ASTN2: variants seen among roughly 807,000 people sequenced by gnomAD.
The protein encoded by ASTN2 is astrotactin-2.
A neutral mutation model predicts 139.8 loss-of-function variants in ASTN2; 54 were observed. The ratio of observed to expected loss-of-function variants is 0.39; its 90% CI spans 0.31 to 0.48. The LOEUF (loss-of-function observed/expected upper bound fraction) is 0.48, where lower values mean the gene tolerates loss of function less well. Ranked by LOEUF, ASTN2 falls within the 20% of genes least tolerant of loss-of-function variation. The pLI is 0.95. For missense variants in ASTN2, 1,565 were observed against 1,725.1 expected (o/e 0.91, Z 1.64); for synonymous variants, 756 against 719.5 (o/e 1.05, Z -0.81).
chr9:117,297,738 T>A (rs915896625), intron 1 of ASTN2, among the ~76,000 whole-genome samples: 1 of 152,224 alleles, frequency 6.6e-6, no homozygotes, highest in African/African-American at 2.4e-5. Context: ...AGGAAAGGGC[T>A]ACCATATAGC....
intron 14 of ASTN2, among the ~76,000 whole-genome samples, chr9:116,731,233 T>C (rs1423201181): frequency 1.3e-5 from 2 of 149,932 alleles, no homozygotes; most frequent in Non-Finnish European, 3.0e-5. Flanking sequence ...ATAAATCTTT[T>C]GAAATGCAAC....
At chr9:116,428,619 C>A (rs1483449239) in intron 22 of ASTN2, among the ~76,000 whole-genome samples, 1 of 152,028 alleles carries the variant, frequency 6.6e-6, no homozygotes, top group African/African-American at 2.4e-5. Context: ...AGTGGGGACA[C>A]AGTGAAAACT....
At chr9:116,969,199 G>A (rs1836110935) in intron 10 of ASTN2, among the ~76,000 whole-genome samples, 1 of 152,176 alleles carries the variant, frequency 6.6e-6, no homozygotes, top group South Asian at 2.1e-4. Context: ...AGGCCAAAGA[G>A]AGGCACCATA....
At chr9:116,473,858 C>T (rs1848896308) in intron 20 of ASTN2, among the ~76,000 whole-genome samples, 1 of 151,490 alleles carries the variant, frequency 6.6e-6, no homozygotes, top group Non-Finnish European at 1.5e-5. Context: ...GCTGAGATCG[C>T]ACCACTGCAC....
rs35759848 is a variant in ASTN2 at position 117,005,080 on chromosome 9, A to ATTTTTTTTTTTTTTT, written c.1591+2997_1591+3011dup. Among the ~76,000 whole-genome samples the ATTTTTTTTTTTTTTT allele has an allele frequency of 6.7e-5, 5 of 74,666 alleles. 1 individual carries two copies. Among genetic ancestry groups the ATTTTTTTTTTTTTTT allele is most frequent in the Admixed American group, 2.1e-4 (1 of 4,724 alleles). 49.0% of individuals were successfully genotyped at this position (74,666 alleles called of 152,430 possible). A position where few individuals can be genotyped will look rare whatever the true frequency, so the allele number is the denominator to read the frequency against. The stretch of plus-strand genomic sequence containing the variant: ...AATTTGAGTTGTGGACCTGTAGTCG[A>ATTTTTTTTTTTTTTT]TTTTTTTTTTTTTTTTTTTTTTTTG... On this transcript the variant is annotated intron_variant, in intron 7 of 22. Transcript: ENST00000313400.
chr9:116,580,023 T>C (rs1384212109), intron 19 of ASTN2, among the ~76,000 whole-genome samples: 2 of 152,168 alleles, frequency 1.3e-5, no homozygotes, highest in Non-Finnish European at 2.9e-5. Context: ...GATTTCACCA[T>C]GTTGATCAGG....
At position 116,845,964 on chromosome 9, in the gene ASTN2, G is replaced by C. The variant is rs549265640; in HGVS notation, c.2040+17619C>G. ...TCATTCATAATAGCCTAAAAGGTAG[G>C]AACAACCAATGTTCATTGACAGATA... On this transcript the variant is annotated intron_variant, in intron 11 of 22. Transcript: ENST00000313400. 5.9e-5 allele frequency among the ~76,000 whole-genome samples: 9 copies of C among 152,212 alleles called. No individual in the cohort carries two copies. The South Asian group carries it at 1.7e-3, about 28-fold the overall frequency.
intron 19 of ASTN2, among the ~76,000 whole-genome samples, chr9:116,522,259 C>G (rs1444495494): frequency 6.6e-6 from 1 of 152,050 alleles, no homozygotes; most frequent in East Asian, 1.9e-4. Flanking sequence ...AATATGGAAC[C>G]AGCCCAAATA....
chr9:116,807,544 T>G (rs761815642), intron 12 of ASTN2, among the ~76,000 whole-genome samples: 1 of 152,244 alleles, frequency 6.6e-6, no homozygotes, highest in Non-Finnish European at 1.5e-5. Flanking sequence ...CTTGGTAAAG[T>G]ATATCCCCTT....
intron 1 of ASTN2, among the ~76,000 whole-genome samples, chr9:117,377,436 G>C (rs993918810): frequency 2.6e-5 from 4 of 152,198 alleles, no homozygotes; most frequent in African/African-American, 9.7e-5. Context: ...AGGGTGGTTT[G>C]ACTGGTGATG....
chr9:116,813,046 C>T (rs1831210348), intron 12 of ASTN2, among the ~76,000 whole-genome samples: 2 of 151,986 alleles, frequency 1.3e-5, no homozygotes, highest in African/African-American at 2.4e-5. Flanking sequence ...TGTACTATGA[C>T]ACATAATTAT....
chr9:117,307,885 G>T (rs892986693), intron 1 of ASTN2, among the ~76,000 whole-genome samples: 1 of 152,180 alleles, frequency 6.6e-6, no homozygotes, highest in South Asian at 2.1e-4. Flanking sequence ...ATCCTCTCCT[G>T]CGGTCTCCTG....
At chr9:116,736,050 A>G (rs1828917641) in intron 13 of ASTN2, among the ~76,000 whole-genome samples, 1 of 152,226 alleles carries the variant, frequency 6.6e-6, no homozygotes, top group Non-Finnish European at 1.5e-5. Context: ...TGAAAAGCTG[A>G]AGCACAAAGA....
chr9:116,887,188 A>G (rs1718920724), intron 10 of ASTN2, among the ~76,000 whole-genome samples: 1 of 152,158 alleles, frequency 6.6e-6, no homozygotes, highest in Admixed American at 6.5e-5. Context: ...ATAAACTTAC[A>G]TGGCAAATTC....
At chr9:116,664,797 C>T (rs1858766067) in intron 16 of ASTN2, among the ~76,000 whole-genome samples, 1 of 152,092 alleles carries the variant, frequency 6.6e-6, no homozygotes, top group African/African-American at 2.4e-5. Flanking sequence ...ATATTCCAAA[C>T]ACAAAATGAT....
intron 19 of ASTN2, among the ~76,000 whole-genome samples, chr9:116,615,784 T>C (rs1368255299): frequency 6.6e-6 from 1 of 151,256 alleles, no homozygotes; most frequent in African/African-American, 2.4e-5. Context: ...AAATGATGAG[T>C]TAATGGGTAC....
At chr9:117,155,242 C>A (rs1830407418) in intron 3 of ASTN2, among the ~76,000 whole-genome samples, 1 of 152,046 alleles carries the variant, frequency 6.6e-6, no homozygotes, top group Admixed American at 6.6e-5. Context: ...TTATAGATAA[C>A]TCCTTTCTTC....
chr9:117,297,282 C>T (rs1221315450), intron 1 of ASTN2, among the ~76,000 whole-genome samples: 1 of 152,164 alleles, frequency 6.6e-6, no homozygotes, highest in Non-Finnish European at 1.5e-5. Context: ...GATGAACTCA[C>T]CGCCCGGGCA....
At chr9:117,090,507 A>G (rs1333909301) in intron 5 of ASTN2, among the ~76,000 whole-genome samples, 8 of 152,232 alleles carry the variant, frequency 5.3e-5, no homozygotes, top group Non-Finnish European at 1.2e-4. Context: ...CTTCCAAACT[A>G]TATGTCAAAT....
Sources: allele counts gnomAD v4.1 joint callset (sites outside exome capture counted in the v4.1 genomes callset), GRCh38; gene constraint gnomAD v4.1.1; transcripts MANE v1.5; gene names NCBI Gene and HGNC (gene_info 2026-07-23, HGNC 2026-07-21).